The following CLYBL variants were observed in gnomAD, a reference collection of about 807,000 sequenced individuals.
CLYBL encodes citramalyl-CoA lyase, mitochondrial.
A neutral mutation model predicts 38.9 loss-of-function variants in CLYBL; 31 were observed. The ratio of observed to expected loss-of-function variants is 0.80; its 90% CI spans 0.60 to 1.08. CLYBL has a LOEUF of 1.08. CLYBL is among the 50% of genes least tolerant of loss of function. The pLI is 0.00. For synonymous variants in CLYBL, 171 were observed against 158.6 expected, an observed-to-expected ratio of 1.08 and a Z score of -0.59; for missense variants, 434 against 411.6, an observed-to-expected ratio of 1.05 and a Z score of -0.47.
downstream of CLYBL, chr13:99,892,762 C>T (rs2052517760): frequency 6.6e-6 from 1 of 152,222 alleles, no homozygotes; most frequent in African/African-American, 2.4e-5. Flanking sequence ...CCTCCTACGC[C>T]CTTTTGGATT....
chr13:99,747,464 C>T (rs963521638), intron 1 of CLYBL, among the ~76,000 whole-genome samples: 3 of 152,062 alleles, frequency 2.0e-5, no homozygotes, highest in African/African-American at 7.2e-5. Context: ...TGTTTACCCT[C>T]AAAGGAGCTA....
intron 1 of CLYBL, among the ~76,000 whole-genome samples, chr13:99,736,181 AT>A (rs1282606374): frequency 6.7e-6 from 1 of 149,538 alleles, no homozygotes; most frequent in Non-Finnish European, 1.5e-5. Flanking sequence ...AGCAGTTGGG[AT>A]TACAGGCACC....
intron 2 of CLYBL, among the ~76,000 whole-genome samples, chr13:99,782,709 C>T (rs953627107): frequency 6.6e-6 from 1 of 152,086 alleles, no homozygotes; most frequent in African/African-American, 2.4e-5. Context: ...TCCCTTCCTC[C>T]CTTACATTTT....
chr13:99,655,587 T>C (rs2047318942), intron 1 of CLYBL, among the ~76,000 whole-genome samples: 1 of 152,104 alleles, frequency 6.6e-6, no homozygotes, highest in Non-Finnish European at 1.5e-5. Flanking sequence ...GAGCCTGGGG[T>C]GGCGTCCTCT....
intron 1 of CLYBL, among the ~76,000 whole-genome samples, chr13:99,746,937 G>A (rs931679266): frequency 6.6e-6 from 1 of 152,170 alleles, no homozygotes; most frequent in African/African-American, 2.4e-5. Flanking sequence ...GCTAGAAGCA[G>A]CCCAGAAACA....
intron 7 of CLYBL, 25 bp from the exon 8 acceptor site, chr13:99,891,293 G>A: frequency 6.6e-7 from 1 of 1,522,998 alleles, no homozygotes; most frequent in Non-Finnish European, 9.1e-7. Context: ...ATTCTTTCAG[G>A]AAGTTTGTAT....
chr13:99,848,329 G>A (rs895092042), intron 2 of CLYBL, among the ~76,000 whole-genome samples: 6 of 152,190 alleles, frequency 3.9e-5, no homozygotes, highest in Non-Finnish European at 8.8e-5. Context: ...TCAACAGGGA[G>A]TGATTTATGG....
chr13:99,758,602 C>T (rs897796037), intron 1 of CLYBL, among the ~76,000 whole-genome samples: 9 of 152,154 alleles, frequency 5.9e-5, no homozygotes, highest in Non-Finnish European at 1.0e-4. Flanking sequence ...GAGGACTCAC[C>T]AGCAGGAAGG....
chr13:99,835,794 C>T (rs1197650765), intron 2 of CLYBL, among the ~76,000 whole-genome samples: 1 of 152,160 alleles, frequency 6.6e-6, no homozygotes, highest in Non-Finnish European at 1.5e-5. Context: ...AAATCCCAGA[C>T]CCAGGTAAGA....
intron 1 of CLYBL, among the ~76,000 whole-genome samples, chr13:99,688,706 A>T (rs2047855196): frequency 1.3e-5 from 2 of 152,004 alleles, no homozygotes; most frequent in African/African-American, 2.4e-5. Context: ...TACATTCCTT[A>T]TATCTCTTCC....
Position 99,606,751 on chromosome 13 carries a change from T to TG in CLYBL, c.57dup (p.Arg20GlufsTer9). ...CGCGGAGCTGCGGCGGCGGCGCTGC[T>TG]GAGGCTGTGAGTGCAGGTCCCCGTT... is the stretch of plus-strand genomic sequence containing the variant. On this transcript the variant is annotated frameshift_variant, in exon 1 of 9. Transcript: ENST00000339105. LOFTEE classifies it high-confidence loss of function. The TG allele has an allele frequency of 6.8e-7, 1 of 1,476,726 alleles. No homozygotes were observed. Among genetic ancestry groups the TG allele is most frequent in the South Asian group, 1.3e-5 (1 of 77,246 alleles). 91.5% of individuals were successfully genotyped at this position (1,476,726 alleles called of 1,614,324 possible).
intron 1 of CLYBL, among the ~76,000 whole-genome samples, chr13:99,681,771 G>C (rs1594117122): frequency 2.0e-5 from 3 of 152,156 alleles, no homozygotes; most frequent in Admixed American, 2.0e-4. Context: ...ATTTTTAGCA[G>C]AGACGGGGTT....
intron 1 of CLYBL, among the ~76,000 whole-genome samples, chr13:99,683,157 C>G (rs901224478): frequency 6.6e-6 from 1 of 152,124 alleles, no homozygotes; most frequent in African/African-American, 2.4e-5. Flanking sequence ...TCTCAGCTCA[C>G]TGCAACCTCT....
At chr13:99,893,254 G>A (rs1402448259), downstream of CLYBL, 1 of 152,420 alleles carries the variant, frequency 6.6e-6, no homozygotes, top group Admixed American at 6.5e-5. Flanking sequence ...ACTGCTTCCA[G>A]ACCCCAGACG....
chr13:99,703,479 C>T (rs549040243), intron 1 of CLYBL, among the ~76,000 whole-genome samples: 1 of 152,252 alleles, frequency 6.6e-6, no homozygotes, highest in South Asian at 2.1e-4. Flanking sequence ...AAGCGATTCT[C>T]CTGCCTCAGC....
intron 1 of CLYBL, among the ~76,000 whole-genome samples, chr13:99,740,235 A>T (rs768527980): frequency 2.6e-5 from 4 of 152,066 alleles, no homozygotes; most frequent in Non-Finnish European, 5.9e-5. Context: ...GTTGTGGGAG[A>T]TATTTATGAA....
chr13:99,656,414 GT>G (rs1369080354), intron 1 of CLYBL, among the ~76,000 whole-genome samples: 2 of 151,928 alleles, frequency 1.3e-5, no homozygotes, highest in African/African-American at 4.9e-5. Flanking sequence ...CCCGCCATTT[GT>G]CCCTCTAACC....
chr13:99,709,363 C>T (rs2048192872), intron 1 of CLYBL, among the ~76,000 whole-genome samples: 1 of 152,184 alleles, frequency 6.6e-6, no homozygotes, highest in African/African-American at 2.4e-5. Flanking sequence ...GTCTGTGGTT[C>T]TCTGTCACAG....
chr13:99,846,707 G>C (rs1284712447), intron 2 of CLYBL, among the ~76,000 whole-genome samples: 2 of 152,214 alleles, frequency 1.3e-5, no homozygotes, highest in Non-Finnish European at 2.9e-5. Flanking sequence ...TAGTTGCAAG[G>C]CTATGTGTGT....
Sources: gnomAD v4.1 joint callset for allele counts (sites outside exome capture counted in the v4.1 genomes callset) on GRCh38, gnomAD v4.1.1 for gene constraint, MANE v1.5 for transcripts, NCBI Gene and HGNC (gene_info 2026-07-23, HGNC 2026-07-21) for gene names.